The following B4GALT1 variants were observed in gnomAD, a reference collection of about 807,000 sequenced individuals.
B4GALT1 encodes the protein N-acetyllactosamine synthase.
B4GALT1 carries 16 observed loss-of-function variants against 34.9 expected under a neutral mutation model. The observed-to-expected ratio is 0.46, with a 90% CI of 0.31 to 0.70. B4GALT1 has a LOEUF of 0.70. B4GALT1 is among the 30% of genes least tolerant of loss of function. The probability of loss-of-function intolerance (pLI) is 0.05; values close to 1 mark genes in which losing one functional copy is unlikely to be tolerated. For synonymous variants in B4GALT1, 221 were observed against 218.1 expected (o/e 1.01, Z -0.12); for missense variants, 445 against 530.5 (o/e 0.84, Z 1.58).
chr9:33,179,630 T>C, the B4GALT1 span: 1 of 152,244 alleles, frequency 6.6e-6, no homozygotes, highest in Non-Finnish European at 1.5e-5. Flanking sequence ...ATGCATTCCA[T>C]AGAAACTGTA....
chr9:33,135,158 C>A, intron 2 of B4GALT1, 31 bp downstream of exon 2: 1 of 1,585,454 alleles, frequency 6.3e-7, no homozygotes, highest in Non-Finnish European at 8.6e-7. Flanking sequence ...TGCACACACA[C>A]CCTCTCTCAT....
intron 2 of B4GALT1, among the ~76,000 whole-genome samples, chr9:33,130,846 A>G (rs534651846): frequency 2.0e-5 from 3 of 152,166 alleles, no homozygotes; most frequent in Middle Eastern, 3.4e-3. Context: ...GTGCAGCAGG[A>G]GGCGGTGGGA....
chr9:33,159,109 A>T (rs1306047002), intron 1 of B4GALT1, among the ~76,000 whole-genome samples: 1 of 151,716 alleles, frequency 6.6e-6, no homozygotes, highest in Non-Finnish European at 1.5e-5. Context: ...TGAACTCCAC[A>T]TCCTTTCCTG....
intron 1 of B4GALT1, among the ~76,000 whole-genome samples, chr9:33,152,526 A>C (rs1049094689): frequency 1.3e-5 from 2 of 151,572 alleles, no homozygotes; most frequent in Admixed American, 6.6e-5. Context: ...TAAAAGAAAA[A>C]GGGTAAAAAA....
upstream of B4GALT1, among the ~76,000 whole-genome samples, chr9:33,170,196 T>A (rs977731299): frequency 2.0e-5 from 3 of 150,424 alleles, no homozygotes; most frequent in Non-Finnish European, 4.4e-5. Flanking sequence ...GGTCTCAATC[T>A]TTTGACCTCG....
rs554545392 is a variant in B4GALT1 at position 33,141,976 on chromosome 9, G to T, written c.413-6552C>A. Among the ~76,000 whole-genome samples the T allele has an allele frequency of 7.8e-4, 118 of 152,120 alleles. 1 individual carries two copies. The highest frequency in any genetic ancestry group is 2.7e-3 in the African/African-American group (112 of 41,520). ...TGAAGGCTTCGAAGGTGTAGGAAAT[G>T]ATTTCTTTCTTTTTTTTTTCTTTTT... On this transcript the variant is annotated intron_variant, in intron 1 of 5. Coordinates refer to ENST00000379731, the MANE Select transcript of B4GALT1 (RefSeq NM_001497.4).
intron 1 of B4GALT1, among the ~76,000 whole-genome samples, chr9:33,156,494 C>T (rs1382061791): frequency 6.6e-6 from 1 of 152,142 alleles, no homozygotes; most frequent in African/African-American, 2.4e-5. Context: ...ATCATTTATG[C>T]AATTCAGTGG....
Position 33,135,151 on chromosome 9 carries a change from A to G in B4GALT1, c.648+38T>C, listed in dbSNP as rs1840247706. On this transcript the variant is annotated intron_variant, in intron 2 of 5. Transcript: ENST00000379731. Reference sequence around the variant, plus strand: ...ACACATCTGATACACATCTGCATGCACACACACCCTCTCTCATTCCACCTT... The same window carrying G: ...ACACATCTGATACACATCTGCATGCGCACACACCCTCTCTCATTCCACCTT... 3 of 1,572,020 alleles carry G rather than the reference A, an allele frequency of 1.9e-6. No individual in the cohort carries two copies. The Admixed American group carries it at 5.0e-5, about 26-fold the overall frequency.
rs1840287063 is a variant in B4GALT1, at chr9:33,137,418, T to A, written c.413-1994A>T. 2.6e-5 allele frequency among the ~76,000 whole-genome samples: 4 copies of A among 152,204 alleles called. No individual in the cohort carries two copies. The South Asian group carries it at 8.3e-4, about 32-fold the overall frequency. On this transcript the variant is annotated intron_variant, in intron 1 of 5. Transcript: ENST00000379731. Reference sequence around the variant, plus strand: ...AAGAAGATCCTCAGGCCTCCCTCTCTGGTCATGCACCTCCCTCCTGGAGGG... The same window carrying A: ...AAGAAGATCCTCAGGCCTCCCTCTCAGGTCATGCACCTCCCTCCTGGAGGG...
chr9:33,179,986 T>C, the B4GALT1 span: 1 of 152,316 alleles, frequency 6.6e-6, no homozygotes, highest in South Asian at 2.1e-4. Context: ...CTTTTCCACG[T>C]GATGGTCTTT....
At chr9:33,150,270 CG>C (rs1564050756) in intron 1 of B4GALT1, among the ~76,000 whole-genome samples, 159 of 87,926 alleles carry the variant, frequency 1.8e-3, no homozygotes, top group Middle Eastern at 6.2e-3. Context: ...ACACACAGAG[CG>C]AGAGAGAGAG....
the B4GALT1 span, among the ~76,000 whole-genome samples, chr9:33,174,663 A>G: frequency 6.6e-6 from 1 of 150,960 alleles, no homozygotes; most frequent in Non-Finnish European, 1.5e-5. Flanking sequence ...TTACATGTAT[A>G]TCTTATTGGG....
At chr9:33,161,203 G>A (rs1334664929) in intron 1 of B4GALT1, among the ~76,000 whole-genome samples, 3 of 152,156 alleles carry the variant, frequency 2.0e-5, no homozygotes, top group Non-Finnish European at 4.4e-5. Flanking sequence ...TGCAGGGAAG[G>A]GGCGGGCTGA....
intron 1 of B4GALT1, among the ~76,000 whole-genome samples, chr9:33,145,792 C>A (rs1393700129): frequency 1.3e-5 from 2 of 152,244 alleles, no homozygotes; most frequent in African/African-American, 4.8e-5. Flanking sequence ...TGTCCCTGCG[C>A]TGTACCCACG....
At chr9:33,160,459 T>C (rs1200906547) in intron 1 of B4GALT1, among the ~76,000 whole-genome samples, 2 of 152,218 alleles carry the variant, frequency 1.3e-5, no homozygotes, top group African/African-American at 4.8e-5. Context: ...AATCTATCTG[T>C]TCATCTATAA....
At chr9:33,174,520 A>G in the B4GALT1 span, among the ~76,000 whole-genome samples, 1 of 151,462 alleles carries the variant, frequency 6.6e-6, no homozygotes, top group African/African-American at 2.4e-5. Flanking sequence ...ATGGTGGCAC[A>G]TGCCTGTAAT....
chr9:33,145,545 T>C (rs10813956), intron 1 of B4GALT1, among the ~76,000 whole-genome samples: 79,368 of 151,980 alleles, frequency 0.52, 21,182 homozygotes, highest in East Asian at 0.71. Flanking sequence ...CCACCTCGAA[T>C]CAGACCCTAG....
At chr9:33,119,308 C>T (rs1026337672) in intron 3 of B4GALT1, among the ~76,000 whole-genome samples, 8 of 152,156 alleles carry the variant, frequency 5.3e-5, no homozygotes, top group Non-Finnish European at 7.3e-5. Flanking sequence ...TTGGATAATA[C>T]GCTAGTCGGG....
intron 1 of B4GALT1, among the ~76,000 whole-genome samples, chr9:33,153,405 G>C (rs1840550513): frequency 6.6e-6 from 1 of 152,006 alleles, no homozygotes; most frequent in Non-Finnish European, 1.5e-5. Context: ...AGAAAAATAA[G>C]AACAAAGAGA....
Sources: gnomAD v4.1 joint callset for allele counts (sites outside exome capture counted in the v4.1 genomes callset) on GRCh38, gnomAD v4.1.1 for gene constraint, MANE v1.5 for transcripts, NCBI Gene and HGNC (gene_info 2026-07-23, HGNC 2026-07-21) for gene names.